The following DNASE1 variants were observed in gnomAD, a reference collection of about 807,000 sequenced individuals.
The protein encoded by DNASE1 is deoxyribonuclease 1, also known as deoxyribonuclease-1.
DNASE1 carries 40 observed loss-of-function variants against 33.9 expected under a neutral mutation model. That is an observed-to-expected ratio of 1.18 (90% CI 0.92 to 1.54). The LOEUF (loss-of-function observed/expected upper bound fraction) is 1.54. Ranked by LOEUF, DNASE1 falls within the 40% of genes most tolerant of loss-of-function variation. The pLI is 0.00. For synonymous variants in DNASE1, 216 were observed against 160.0 expected (o/e 1.35, Z -2.64); for missense variants, 518 against 372.6 (o/e 1.39, Z -3.21).
chr16:3,613,867 G>C (rs1460381950), intron 1 of DNASE1, among the ~76,000 whole-genome samples: 1 of 151,470 alleles, frequency 6.6e-6, no homozygotes, highest in African/African-American at 2.4e-5. Context: ...TCAGCCTCCG[G>C]AGTAGCTGGG....
At chr16:3,655,624 C>T (rs1877026077) in intron 2 of DNASE1, 104 bp downstream of exon 2, 1 of 1,543,116 alleles carries the variant, frequency 6.5e-7, no homozygotes, top group Non-Finnish European at 8.9e-7. Context: ...GTGTGGGGTA[C>T]TGAGCACCAC....
chr16:3,640,658 A>C (rs181411334), upstream of DNASE1: 182 of 398,250 alleles, frequency 4.6e-4, 2 homozygotes, highest in East Asian at 4.7e-3. Context: ...GTTTCAGAAT[A>C]GGTGGTGCTG....
intron 7 of DNASE1, 60 bp from the exon 8 acceptor site, chr16:3,657,660 G>A: frequency 1.2e-6 from 2 of 1,604,064 alleles, no homozygotes; most frequent in Non-Finnish European, 1.7e-6. Flanking sequence ...GTTCCTGCGG[G>A]TGCTGAGCCA....
intron 7 of DNASE1, 35 bp downstream of exon 7, chr16:3,657,376 GCA>G (rs1296230956): frequency 1.1e-5 from 17 of 1,607,198 alleles, no homozygotes; most frequent in Admixed American, 3.3e-5. Flanking sequence ...CAGACTGAGG[GCA>G]CCTCCAAGGG....
At chr16:3,640,426 C>T (rs1323015248), upstream of DNASE1, among the ~76,000 whole-genome samples, 5 of 152,190 alleles carry the variant, frequency 3.3e-5, no homozygotes, top group African/African-American at 4.8e-5. Flanking sequence ...TCCCTGCCTG[C>T]GCTGCAGCCT....
intron 2 of DNASE1, 99 bp from the exon 3 acceptor site, chr16:3,655,750 G>A (rs918565409): frequency 1.5e-5 from 22 of 1,505,012 alleles, no homozygotes; most frequent in South Asian, 5.6e-5. Flanking sequence ...CGGTTAAACC[G>A]AGCAATGCCA....
chr16:3,645,897 A>G (rs116743856), intron 1 of DNASE1, among the ~76,000 whole-genome samples: 1,797 of 152,320 alleles, frequency 0.012, 32 homozygotes, highest in African/African-American at 0.041. Context: ...CATCCTGCTC[A>G]GGTTGTGGGA....
chr16:3,650,195 C>T (rs570516243), upstream of DNASE1, among the ~76,000 whole-genome samples: 1 of 152,168 alleles, frequency 6.6e-6, no homozygotes, highest in African/African-American at 2.4e-5. Flanking sequence ...ACCTGCAGCT[C>T]ATACTTTGAA....
chr16:3,658,611 T>C (rs796824214), downstream of DNASE1: 8 of 619,692 alleles, frequency 1.3e-5, no homozygotes, highest in African/African-American at 1.5e-4. Flanking sequence ...AGGCAGAGGT[T>C]GTAGTGAGCC....
At chr16:3,613,003 C>T (rs746219102) in intron 1 of DNASE1, among the ~76,000 whole-genome samples, 4 of 152,106 alleles carry the variant, frequency 2.6e-5, no homozygotes, top group African/African-American at 9.7e-5. Flanking sequence ...GATACAGTAT[C>T]ATAAAATGCA....
chr16:3,658,037 T>A lies in DNASE1; in HGVS notation c.*84T>A, dbSNP rs1028977735. The A allele has an allele frequency of 2.5e-6, 4 of 1,607,870 alleles. No homozygotes were observed. The highest frequency in any genetic ancestry group is 2.7e-5 in the African/African-American group (2 of 74,670). On this transcript the variant is annotated 3_prime_UTR_variant, in exon 9 of 9. Transcript: ENST00000246949. The stretch of plus-strand genomic sequence containing the variant: ...CCCAGAAAAAAAGCCCAACACACAC[T>A]CGGGTTAAGAAATACCTTTAAATTT...
chr16:3,637,126 A>G (rs8049557), intron 1 of DNASE1, among the ~76,000 whole-genome samples: 14,706 of 152,080 alleles, frequency 0.097, 1,699 homozygotes, highest in African/African-American at 0.28. Context: ...TCCATCTCAA[A>G]AAAAAAAGAA....
chr16:3,657,817 G>A lies in DNASE1; in HGVS notation c.801+1G>A. 1 of 1,613,978 alleles carries A rather than the reference G, an allele frequency of 6.2e-7. No individual in the cohort carries two copies. Among genetic ancestry groups the A allele is most frequent in the Non-Finnish European group, 8.5e-7 (1 of 1,180,026 alleles). On this transcript the variant is annotated splice_donor_variant, in intron 8 of 8. Coordinates refer to ENST00000246949, the MANE Select transcript of DNASE1 (RefSeq NM_005223.4). LOFTEE classifies it high-confidence loss of function. The stretch of plus-strand genomic sequence containing the variant: ...TGCCTATGGCCTGAGTGACCAACTG[G>A]TATGTGTCCTCCCTTGCACAGCCAC...
At chr16:3,657,396 G>C in intron 7 of DNASE1, 55 bp downstream of exon 7, 4 of 1,600,472 alleles carry the variant, frequency 2.5e-6, no homozygotes, top group Non-Finnish European at 3.4e-6. Flanking sequence ...GGGCAGCCGT[G>C]ACTCATAGGT....
chr16:3,644,118 A>G (rs2042101389), intron 1 of DNASE1, among the ~76,000 whole-genome samples: 1 of 152,216 alleles, frequency 6.6e-6, no homozygotes, highest in African/African-American at 2.4e-5. Flanking sequence ...AATATAATGG[A>G]AGTTCTAAAA....
intron 1 of DNASE1, among the ~76,000 whole-genome samples, chr16:3,623,783 C>G (rs968680921): frequency 6.6e-6 from 1 of 151,986 alleles, no homozygotes; most frequent in African/African-American, 2.4e-5. Flanking sequence ...TGAAGACATA[C>G]AAGCGGCAAA....
chr16:3,658,155 G>A (rs1177290834), downstream of DNASE1: 2 of 1,614,104 alleles, frequency 1.2e-6, no homozygotes, highest in South Asian at 2.2e-5. Flanking sequence ...GCCTTGACAA[G>A]CAGCTCATTC....
chr16:3,656,293 T>G, intron 4 of DNASE1, 108 bp downstream of exon 4: 1 of 1,220,958 alleles, frequency 8.2e-7, no homozygotes, highest in Non-Finnish European at 1.2e-6. Flanking sequence ...AACCTGAGGC[T>G]TCAGAGCAGG....
chr16:3,650,603 CAAAAAAAAAAA>C (rs201718600), upstream of DNASE1: 1 of 63,372 alleles, frequency 1.6e-5, no homozygotes, highest in Non-Finnish European at 3.3e-5. Flanking sequence ...TATGGTCATT[CAAAAAAAAAAA>C]AAAAAAGAAA....
Sources: allele counts gnomAD v4.1 joint callset (sites outside exome capture counted in the v4.1 genomes callset), GRCh38; gene constraint gnomAD v4.1.1; transcripts MANE v1.5; gene names NCBI Gene and HGNC (gene_info 2026-07-23, HGNC 2026-07-21).